Variants in NME7 observed in about 807,000 individuals in gnomAD.
NME7 encodes nucleoside diphosphate kinase 7.
In NME7, 41 loss-of-function variants were observed where a neutral mutation model predicts 49.1. That is an observed-to-expected ratio of 0.83 (90% CI 0.65 to 1.08). The LOEUF is 1.08. Ranked by LOEUF, NME7 falls within the 50% of genes least tolerant of loss-of-function variation. The pLI is 0.00. For missense variants in NME7, 423 were observed against 463.4 expected, an observed-to-expected ratio of 0.91 and a Z score of 0.80; for synonymous variants, 139 against 150.6, an observed-to-expected ratio of 0.92 and a Z score of 0.56.
intron 10 of NME7, among the ~76,000 whole-genome samples, chr1:169,194,304 T>C (rs528873374): frequency 2.0e-5 from 3 of 152,114 alleles, no homozygotes; most frequent in Non-Finnish European, 2.9e-5. Context: ...TTAAATAATA[T>C]TGATAGGAGC....
intron 11 of NME7, among the ~76,000 whole-genome samples, chr1:169,146,508 T>A (rs2143287): frequency 6.6e-6 from 1 of 152,000 alleles, no homozygotes; most frequent in East Asian, 1.9e-4. Context: ...AACATACATA[T>A]TCTTTAAATC....
At chr1:169,308,368 G>A (rs1651261017) in intron 4 of NME7, among the ~76,000 whole-genome samples, 1 of 152,170 alleles carries the variant, frequency 6.6e-6, no homozygotes, top group Admixed American at 6.5e-5. Flanking sequence ...AGAAATGAAT[G>A]ATTTATTGAA....
chr1:169,136,026 A>C (rs1041601885), intron 11 of NME7, among the ~76,000 whole-genome samples: 4 of 152,154 alleles, frequency 2.6e-5, no homozygotes, highest in Non-Finnish European at 4.4e-5. Flanking sequence ...TTCCAAGGAG[A>C]CACATACATT....
intron 7 of NME7, among the ~76,000 whole-genome samples, chr1:169,251,913 G>T (rs56698361): frequency 0.063 from 9,468 of 149,582 alleles, 874 homozygotes; most frequent in East Asian, 0.59. Flanking sequence ...TGGCTGCATA[G>T]TATTCCATGG....
intron 11 of NME7, among the ~76,000 whole-genome samples, chr1:169,151,750 G>A (rs1235621052): frequency 1.3e-5 from 2 of 152,158 alleles, no homozygotes; most frequent in Non-Finnish European, 2.9e-5. Flanking sequence ...CCTCTTGGTA[G>A]AGATGGTCAT....
intron 2 of NME7, among the ~76,000 whole-genome samples, chr1:169,323,616 G>A (rs1018980837): frequency 6.6e-6 from 1 of 152,100 alleles, no homozygotes; most frequent in African/African-American, 2.4e-5. Flanking sequence ...GCTTTCTTGT[G>A]TACACAAAAT....
chr1:169,343,213 A>G (rs1652842262), intron 1 of NME7, among the ~76,000 whole-genome samples: 1 of 151,508 alleles, frequency 6.6e-6, no homozygotes, highest in South Asian at 2.1e-4. Context: ...ATATATTTCT[A>G]TAGTTTCTTC....
At chr1:169,281,709 T>G (rs573975879) in intron 7 of NME7, among the ~76,000 whole-genome samples, 1 of 151,478 alleles carries the variant, frequency 6.6e-6, no homozygotes, top group African/African-American at 2.4e-5. Flanking sequence ...TATTGAGGTA[T>G]GTGTTTTTTG....
At chr1:169,324,644 G>A in intron 1 of NME7, 144 bp from the exon 2 acceptor site, 1 of 586,434 alleles carries the variant, frequency 1.7e-6, no homozygotes, top group South Asian at 2.2e-5. Flanking sequence ...TTTCAACAAA[G>A]TATCAGTTAT....
chr1:169,154,160 C>A (rs981858828), intron 11 of NME7, among the ~76,000 whole-genome samples: 2 of 152,008 alleles, frequency 1.3e-5, no homozygotes, highest in Non-Finnish European at 2.9e-5. Context: ...ACCACAGGTA[C>A]ATGCCACTAC....
At chr1:169,212,922 C>A (rs976903921) in intron 10 of NME7, among the ~76,000 whole-genome samples, 2 of 152,108 alleles carry the variant, frequency 1.3e-5, no homozygotes, top group Non-Finnish European at 2.9e-5. Flanking sequence ...AGCCACTATA[C>A]CTGGCTATAG....
rs550633967 is a variant in NME7, at chr1:169,209,084, T to TA, written c.990+21633dup. Among the ~76,000 whole-genome samples the TA allele has an allele frequency of 6.9e-4, 104 of 150,190 alleles. 1 individual carries two copies. The South Asian group carries it at 0.021, about 31-fold the overall frequency. The stretch of plus-strand genomic sequence containing the variant: ...TTTGTTTTTACAAAACTTGAGTTTT[T>TA]AAAAAATCTACAAAATTAAAATTAA... On this transcript the variant is annotated intron_variant, in intron 10 of 11. Coordinates refer to ENST00000367811, the MANE Select transcript of NME7 (RefSeq NM_013330.5).
chr1:169,304,461 G>A lies in NME7; in HGVS notation c.390-1266C>T, dbSNP rs770487869. On this transcript the variant is annotated intron_variant, in intron 4 of 11. Coordinates refer to ENST00000367811, the MANE Select transcript of NME7 (RefSeq NM_013330.5). ...GAATTTACATAACAAGTTATATCAC[G>A]CATACTCTCATTCTAACCAAATGTA... is the stretch of plus-strand genomic sequence containing the variant. Among the ~76,000 whole-genome samples, 13 of 152,154 alleles carry A rather than the reference G, an allele frequency of 8.5e-5. 1 individual carries two copies. The highest frequency in any genetic ancestry group is 6.8e-3 in the Middle Eastern group (2 of 294).
At chr1:169,148,765 G>C (rs1398104910) in intron 11 of NME7, among the ~76,000 whole-genome samples, 1 of 152,192 alleles carries the variant, frequency 6.6e-6, no homozygotes, top group Non-Finnish European at 1.5e-5. Flanking sequence ...GAAGGGACTG[G>C]ACAGTGTTGG....
intron 7 of NME7, among the ~76,000 whole-genome samples, chr1:169,248,363 G>A (rs1166450327): frequency 6.6e-6 from 1 of 151,766 alleles, no homozygotes; most frequent in African/African-American, 2.4e-5. Context: ...GTTCATTGTA[G>A]ATTCTAGATA....
intron 10 of NME7, among the ~76,000 whole-genome samples, chr1:169,211,289 G>A (rs1224330033): frequency 6.6e-6 from 1 of 152,094 alleles, no homozygotes; most frequent in Non-Finnish European, 1.5e-5. Context: ...TTTTATAGGG[G>A]AAAACATTAT....
intron 11 of NME7, among the ~76,000 whole-genome samples, chr1:169,156,270 A>T (rs1422980873): frequency 6.6e-6 from 1 of 151,926 alleles, no homozygotes; most frequent in East Asian, 1.9e-4. Flanking sequence ...TGATCATGCC[A>T]CTACATTCCA....
intron 1 of NME7, among the ~76,000 whole-genome samples, chr1:169,355,714 G>T (rs904004078): frequency 6.6e-6 from 1 of 151,930 alleles, no homozygotes; most frequent in Admixed American, 6.6e-5. Context: ...GCAATGTAAG[G>T]AGGCTTCTCT....
At chr1:169,167,860 T>C (rs1304067685) in intron 11 of NME7, among the ~76,000 whole-genome samples, 4 of 152,184 alleles carry the variant, frequency 2.6e-5, no homozygotes, top group Admixed American at 1.3e-4. Flanking sequence ...GTGACCAAAA[T>C]GTTAGCTATC....
Sources: allele counts gnomAD v4.1 joint callset (sites outside exome capture counted in the v4.1 genomes callset), GRCh38; gene constraint gnomAD v4.1.1; transcripts MANE v1.5; gene names NCBI Gene and HGNC (gene_info 2026-07-23, HGNC 2026-07-21).